Variants in TLL2 observed in about 807,000 individuals in gnomAD.
TLL2 encodes tolloid-like protein 2.
In TLL2, 106 loss-of-function variants were observed where a neutral mutation model predicts 123.0. The observed-to-expected ratio is 0.86, with a 90% confidence interval of 0.74 to 1.01. The LOEUF is 1.01. Ranked by LOEUF, TLL2 falls within the 50% of genes least tolerant of loss-of-function variation. The probability of loss-of-function intolerance (pLI) is 0.00; values close to 1 mark genes in which losing one functional copy is unlikely to be tolerated. For missense variants in TLL2, 1,332 were observed against 1,336.7 expected (o/e 1.00, Z 0.06); for synonymous variants, 494 against 516.8 (o/e 0.96, Z 0.60).
chr10:96,410,666 AG>A, intron 8 of TLL2, 192 bp from the exon 9 acceptor site: 1 of 662,796 alleles, frequency 1.5e-6, no homozygotes, highest in Non-Finnish European at 2.8e-6. Flanking sequence ...GGAGTCAAAA[AG>A]GAACGCCCAG....
At chr10:96,441,063 C>T (rs1315763557) in intron 3 of TLL2, among the ~76,000 whole-genome samples, 1 of 152,188 alleles carries the variant, frequency 6.6e-6, no homozygotes, top group African/African-American at 2.4e-5. Flanking sequence ...CATTTAAATT[C>T]TCTGGCTCTG....
chr10:96,399,932 G>A (rs1476943902), intron 10 of TLL2, among the ~76,000 whole-genome samples: 1 of 152,202 alleles, frequency 6.6e-6, no homozygotes, highest in Admixed American at 6.5e-5. Flanking sequence ...CTCGGCAGGA[G>A]GCAGGAATTG....
rs1847167675 is a variant in TLL2, at chr10:96,470,381, G to GT, written c.286+9967dup. 8.5e-5 allele frequency among the ~76,000 whole-genome samples: 13 copies of GT among 152,324 alleles called. No homozygotes were observed. In the South Asian group the frequency reaches 2.5e-3, roughly 29 times the overall value. On this transcript the variant is annotated intron_variant, in intron 2 of 20. Transcript: ENST00000357947. Reference sequence around the variant, plus strand: ...TCCTGGCTCCATCCACAGTTCACACGTGTTTGTCTGACACCACTGATGTGC... The same window carrying GT: ...TCCTGGCTCCATCCACAGTTCACACGTTGTTTGTCTGACACCACTGATGTGC...
At chr10:96,492,877 TC>T (rs1311732161) in intron 1 of TLL2, among the ~76,000 whole-genome samples, 1 of 152,180 alleles carries the variant, frequency 6.6e-6, no homozygotes, top group Non-Finnish European at 1.5e-5. Context: ...GTTGCACTGC[TC>T]CACAGTCCTC....
intron 3 of TLL2, among the ~76,000 whole-genome samples, chr10:96,441,555 C>G (rs1383088854): frequency 6.6e-6 from 1 of 152,204 alleles, no homozygotes; most frequent in South Asian, 2.1e-4. Flanking sequence ...ACCACTGATA[C>G]AGCCCAAAGG....
intron 4 of TLL2, among the ~76,000 whole-genome samples, chr10:96,430,994 C>A (rs943841911): frequency 6.6e-6 from 1 of 152,148 alleles, no homozygotes; most frequent in Non-Finnish European, 1.5e-5. Context: ...TTGTTTATAG[C>A]TCAATCGCTC....
intron 16 of TLL2, among the ~76,000 whole-genome samples, chr10:96,381,328 C>T (rs576806445): frequency 6.6e-6 from 1 of 152,202 alleles, no homozygotes; most frequent in African/African-American, 2.4e-5. Context: ...CCTGTTTCAT[C>T]GGGTCCCTAC....
At position 96,378,694 on chromosome 10, in the gene TLL2, C is replaced by T. The variant is rs1251570969; in HGVS notation, c.2320+273G>A. The stretch of plus-strand genomic sequence containing the variant: ...GTCACACAGCTAGGGAACGGCAGAG[C>T]CAGGATTTAGACCTAGGTAATTGGA... On this transcript the variant is annotated intron_variant, in intron 17 of 20. Coordinates refer to ENST00000357947, the MANE Select transcript of TLL2 (RefSeq NM_012465.4). Among the ~76,000 whole-genome samples the T allele has an allele frequency of 2.0e-5, 3 of 152,184 alleles. No homozygotes were observed. The South Asian group carries it at 6.2e-4, about 32-fold the overall frequency.
chr10:96,496,011 G>A (rs1486914518), intron 1 of TLL2, among the ~76,000 whole-genome samples: 1 of 152,176 alleles, frequency 6.6e-6, no homozygotes, highest in Non-Finnish European at 1.5e-5. Context: ...TCTAAGCAAT[G>A]TCCTTGTTTT....
At chr10:96,387,916 A>AT (rs1247316957) in intron 13 of TLL2, among the ~76,000 whole-genome samples, 9 of 152,246 alleles carry the variant, frequency 5.9e-5, no homozygotes, top group Non-Finnish European at 8.8e-5. Context: ...GTTGCCAGCC[A>AT]TAGTACATCT....
chr10:96,447,036 T>C (rs1025411915), intron 2 of TLL2, among the ~76,000 whole-genome samples: 1 of 152,136 alleles, frequency 6.6e-6, no homozygotes, highest in Non-Finnish European at 1.5e-5. Flanking sequence ...TGATAGAACG[T>C]GATGGGAGGA....
At chr10:96,498,341 T>C (rs10786297) in intron 1 of TLL2, among the ~76,000 whole-genome samples, 148,330 of 152,300 alleles carry the variant, frequency 0.97, 72,336 homozygotes, top group Middle Eastern at 1. Context: ...TCACGGGAAA[T>C]ATTAAAAGCT....
At chr10:96,388,705 T>C (rs1450840093) in intron 13 of TLL2, among the ~76,000 whole-genome samples, 1 of 152,238 alleles carries the variant, frequency 6.6e-6, no homozygotes, top group Non-Finnish European at 1.5e-5. Context: ...AGCTTCCCTC[T>C]ACCCTGCCCT....
intron 7 of TLL2, among the ~76,000 whole-genome samples, chr10:96,420,303 ACTG>A (rs2134074855): frequency 6.6e-6 from 1 of 152,364 alleles, no homozygotes; most frequent in African/African-American, 2.4e-5. Context: ...CAGGGAAAAT[ACTG>A]AAAATCTTTA....
chr10:96,472,599 A>G (rs1847194714), intron 2 of TLL2, among the ~76,000 whole-genome samples: 1 of 151,906 alleles, frequency 6.6e-6, no homozygotes, highest in Admixed American at 6.6e-5. Context: ...TCGTCTCCAC[A>G]AAAAATACAA....
intron 7 of TLL2, among the ~76,000 whole-genome samples, chr10:96,417,080 G>A (rs1043754814): frequency 1.3e-5 from 2 of 152,154 alleles, no homozygotes; most frequent in African/African-American, 4.8e-5. Flanking sequence ...ATCGTAAAGA[G>A]ACACAAGGAT....
intron 5 of TLL2, among the ~76,000 whole-genome samples, chr10:96,424,449 A>G (rs1401974220): frequency 1.3e-5 from 2 of 152,178 alleles, no homozygotes; most frequent in Non-Finnish European, 1.5e-5. Context: ...CCTACTGTTT[A>G]CTCACAGAAG....
At chr10:96,434,508 A>T (rs112533140) in intron 3 of TLL2, among the ~76,000 whole-genome samples, 1,546 of 152,332 alleles carry the variant, frequency 0.01, 29 homozygotes, top group African/African-American at 0.033. Context: ...CTCATGTTGT[A>T]GTATGAATCA....
At chr10:96,384,498 A>T in intron 16 of TLL2, 89 bp downstream of exon 16, 1 of 1,339,158 alleles carries the variant, frequency 7.5e-7, no homozygotes, top group Non-Finnish European at 1.0e-6. Context: ...AAGCAAAGAG[A>T]GAGAGGAGGG....
Sources: gnomAD v4.1 joint callset for allele counts (sites outside exome capture counted in the v4.1 genomes callset) on GRCh38, gnomAD v4.1.1 for gene constraint, MANE v1.5 for transcripts, NCBI Gene and HGNC (gene_info 2026-07-23, HGNC 2026-07-21) for gene names.